The following UPF1 variants were observed in gnomAD, a reference collection of about 807,000 sequenced individuals.
UPF1 encodes the protein UPF1 RNA helicase and ATPase.
Under a neutral mutation model 129.2 loss-of-function variants are expected in UPF1, and 9 were observed. The observed-to-expected ratio is 0.07, with a 90% CI of 0.04 to 0.12. UPF1 has a LOEUF of 0.12. Ranked by LOEUF, UPF1 falls within the 10% of genes least tolerant of loss-of-function variation. The probability of loss-of-function intolerance (pLI) is 1.00; values close to 1 mark genes in which losing one functional copy is unlikely to be tolerated. For synonymous variants in UPF1, 649 were observed against 644.9 expected (o/e 1.01, Z -0.10); for missense variants, 788 against 1,525.3 (o/e 0.52, Z 8.05).
At position 18,851,403 on chromosome 19, in the gene UPF1, C is replaced by T. The variant is rs1227158451; in HGVS notation, c.810+535C>T. On this transcript the variant is annotated intron_variant, in intron 5 of 23. Coordinates refer to ENST00000262803, the MANE Select transcript of UPF1 (RefSeq NM_002911.4). The surrounding 1 kb of genome is among the most constrained non-coding windows in gnomAD (Gnocchi z 4.2). The stretch of plus-strand genomic sequence containing the variant: ...TTTAGGATTTTGTGATAAAGTAGTT[C>T]TAATAACTAGGCTAGAAGTTTTCAT... 6.6e-6 allele frequency among the ~76,000 whole-genome samples: 1 copy of T among 152,210 alleles called. No homozygotes were observed. The highest frequency in any genetic ancestry group is 1.5e-5 in the Non-Finnish European group (1 of 68,040).
Position 18,846,078 on chromosome 19 carries a change from A to G in UPF1, c.330A>G (p.Glu110=). The change falls in exon 2 of 24, where the codon GAA becomes GAG. Residue 110 remains glutamate (E), a synonymous_variant. Transcript: ENST00000262803. ...AGTTGAACTTCGAGGAAGATGAAGA[A>G]GACACCTATTACACGAAGGACCTCC... ...LAELNFEEDE[E]DTYYTKDLPI... 1.2e-6 allele frequency: 2 copies of G among 1,614,188 alleles called. No homozygotes were observed. Among genetic ancestry groups the G allele is most frequent in the African/African-American group, 2.7e-5 (2 of 75,068 alleles).
At chr19:18,854,169 G>A (rs990991722) in intron 8 of UPF1, among the ~76,000 whole-genome samples, 1 of 152,226 alleles carries the variant, frequency 6.6e-6, no homozygotes, top group African/African-American at 2.4e-5. Context: ...GGAACTGTGA[G>A]AAGAGCTGCT....
intron 1 of UPF1, among the ~76,000 whole-genome samples, chr19:18,844,094 T>C (rs1464277938): frequency 6.6e-6 from 1 of 152,072 alleles, no homozygotes; most frequent in Admixed American, 6.6e-5. Flanking sequence ...GGAGCATGTC[T>C]CTGGGCAGAA....
chr19:18,846,407 G>A (rs566519643), intron 2 of UPF1, among the ~76,000 whole-genome samples: 3 of 152,136 alleles, frequency 2.0e-5, no homozygotes, highest in East Asian at 1.9e-4. Flanking sequence ...TGGTACCTGC[G>A]CACTCACTCA....
intron 1 of UPF1, among the ~76,000 whole-genome samples, chr19:18,833,966 G>A (rs1313348261): frequency 6.6e-6 from 1 of 152,226 alleles, no homozygotes; most frequent in African/African-American, 2.4e-5. Flanking sequence ...GAGAACAGGT[G>A]TGCACGTATG....
At position 18,846,012 on chromosome 19, in the gene UPF1, T is replaced by C. The variant is rs781095116; in HGVS notation, c.264T>C (p.Ala88=). 2 of 1,614,192 alleles carry C rather than the reference T, an allele frequency of 1.2e-6. No homozygotes were observed. Among genetic ancestry groups the C allele is most frequent in the Non-Finnish European group, 1.7e-6 (2 of 1,180,028 alleles). The change falls in exon 2 of 24, where the codon GCT becomes GCC. Residue 88 remains alanine (A), a synonymous_variant. Transcript: ENST00000262803. ...CCGAAGGCATCCTGCAGAACGGGGC[T>C]GTGGACGACAGTGTAGCCAAGACCA... ...VGPEGILQNG[A]VDDSVAKTSQ...
At chr19:18,857,165 G>A (rs1211284233) in intron 14 of UPF1, 145 bp downstream of exon 14, 3 of 1,486,900 alleles carry the variant, frequency 2.0e-6, no homozygotes, top group Admixed American at 2.1e-5. Context: ...TAGAGGGTGG[G>A]TTCTGCCAGC....
Position 18,851,020 on chromosome 19 carries a change from C to CAAGGTGCCCTGAGGTCAT in UPF1, c.810+152_810+153insAAGGTGCCCTGAGGTCAT. 4.3e-6 allele frequency: 4 copies of CAAGGTGCCCTGAGGTCAT among 930,440 alleles called. No homozygotes were observed. Among genetic ancestry groups the CAAGGTGCCCTGAGGTCAT allele is most frequent in the Non-Finnish European group, 6.0e-6 (4 of 667,164 alleles). The allele number at this position is 930,440 out of a possible 1,614,324, so 57.6% of individuals were successfully genotyped here. On this transcript the variant is annotated intron_variant, in intron 5 of 23. Transcript: ENST00000262803. This position sits in a 1 kb window ranked among gnomAD's most constrained non-coding sequence, Gnocchi z 4.2. The stretch of plus-strand genomic sequence containing the variant: ...CTCTGCCACCTCTACGTGGAATGAC[C>CAAGGTGCCCTGAGGTCAT]TCAGGGCACCTTGGTCACCTTCCAT...
At chr19:18,845,954 T>G (rs747318315) in intron 1 of UPF1, 26 bp from the exon 2 acceptor site, 2 of 1,612,422 alleles carry the variant, frequency 1.2e-6, no homozygotes, top group South Asian at 2.2e-5. Context: ...GCAGCCTCAC[T>G]CAGGTGACAC....
At chr19:18,857,204 G>A (rs1214865837) in intron 14 of UPF1, 116 bp from the exon 15 acceptor site, 7 of 1,461,808 alleles carry the variant, frequency 4.8e-6, no homozygotes, top group African/African-American at 1.4e-5. Flanking sequence ...GGTGAGCAAT[G>A]CCCCTGTGGC....
intron 1 of UPF1, among the ~76,000 whole-genome samples, chr19:18,839,632 C>T (rs1459182695): frequency 6.6e-6 from 1 of 152,220 alleles, no homozygotes; most frequent in Non-Finnish European, 1.5e-5. Flanking sequence ...CCATGCTCCC[C>T]CGCCTTTAAG....
At chr19:18,854,294 T>A (rs1458151135) in intron 8 of UPF1, among the ~76,000 whole-genome samples, 1 of 152,186 alleles carries the variant, frequency 6.6e-6, no homozygotes, top group African/African-American at 2.4e-5. Context: ...TGAGCGCTGC[T>A]GGCTTCGCTG....
intron 1 of UPF1, among the ~76,000 whole-genome samples, chr19:18,842,098 A>G (rs543753726): frequency 1.5e-4 from 23 of 152,108 alleles, no homozygotes; most frequent in Non-Finnish European, 3.2e-4. Context: ...CCCTGTCTCA[A>G]AAAAATAAAG....
Position 18,853,846 on chromosome 19 carries a change from C to T in UPF1, c.1156+496C>T, listed in dbSNP as rs942321453. Reference sequence around the variant, plus strand: ...GCCAGAGTGGGGCAGCTGTAAGGCACAGGTGCAGTCAGAGGCTTGGGTGGG... The same window carrying T: ...GCCAGAGTGGGGCAGCTGTAAGGCATAGGTGCAGTCAGAGGCTTGGGTGGG... On this transcript the variant is annotated intron_variant, in intron 8 of 23. Coordinates refer to ENST00000262803, the MANE Select transcript of UPF1 (RefSeq NM_002911.4). The surrounding 1 kb of genome is among the most constrained non-coding windows in gnomAD (Gnocchi z 4.4). 1.3e-5 allele frequency among the ~76,000 whole-genome samples: 2 copies of T among 152,172 alleles called. No homozygotes were observed. The highest frequency in any genetic ancestry group is 2.9e-5 in the Non-Finnish European group (2 of 68,032).
intron 8 of UPF1, among the ~76,000 whole-genome samples, chr19:18,854,110 G>A (rs1344144096): frequency 6.6e-6 from 1 of 152,238 alleles, no homozygotes; most frequent in East Asian, 1.9e-4. Context: ...GTTTGCTTGT[G>A]TATGTGGAGC....
Position 18,850,751 on chromosome 19 carries a change from G to T in UPF1, c.693G>T (p.Pro231=). The change falls in exon 5 of 24, where the codon CCG becomes CCT. Residue 231 remains proline (P), a synonymous_variant. Coordinates refer to ENST00000262803, the MANE Select transcript of UPF1 (RefSeq NM_002911.4). This position sits in a 1 kb window ranked among gnomAD's most constrained non-coding sequence, Gnocchi z 7.1. ...DINWDSSQWQ[P]LIQDRCFLSW... ...ACTGGGACAGCTCGCAGTGGCAGCCGCTGATCCAGGACCGCTGCTTCCTGT... is the reference window on the plus strand; with the variant it reads ...ACTGGGACAGCTCGCAGTGGCAGCCTCTGATCCAGGACCGCTGCTTCCTGT... 6.2e-7 allele frequency: 1 copy of T among 1,611,290 alleles called. No individual in the cohort carries two copies. Among genetic ancestry groups the T allele is most frequent in the African/African-American group, 1.3e-5 (1 of 74,992 alleles).
chr19:18,863,225 A>G (rs1189666305), intron 18 of UPF1: 20 of 572,710 alleles, frequency 3.5e-5, no homozygotes, highest in Middle Eastern at 9.8e-4. Flanking sequence ...GGGGCTGCTT[A>G]GAGTCGGCCA....
rs777785220 is a variant in UPF1, at chr19:18,865,706, G to A, written c.3165G>A (p.Thr1055=). 6 of 1,613,702 alleles carry A rather than the reference G, an allele frequency of 3.7e-6. No individual in the cohort carries two copies. The highest frequency in any genetic ancestry group is 3.3e-5 in the South Asian group (3 of 91,084). Residue 1055 remains threonine, a synonymous_variant, in exon 22 of 24, where the codon ACG becomes ACA. Coordinates refer to ENST00000262803, the MANE Select transcript of UPF1 (RefSeq NM_002911.4). The surrounding 1 kb of genome is among the most constrained non-coding windows in gnomAD (Gnocchi z 6.1). Reference sequence around the variant, plus strand: ...AGCCCTTCTCTCAGGGCGCCCTGACGCAGGGCTACATCTCCATGAGCCAGC... The same window carrying A: ...AGCCCTTCTCTCAGGGCGCCCTGACACAGGGCTACATCTCCATGAGCCAGC... The part of the protein sequence containing the change: ...ASQPFSQGAL[T]QGYISMSQPS...
At chr19:18,854,734 C>T in intron 9 of UPF1, 25 bp downstream of exon 9, 2 of 1,610,556 alleles carry the variant, frequency 1.2e-6, no homozygotes, top group Non-Finnish European at 1.7e-6. Flanking sequence ...ATCACTGCCC[C>T]CTGTTCCCTG....
Sources: gnomAD v4.1 joint callset for allele counts (sites outside exome capture counted in the v4.1 genomes callset) on GRCh38, gnomAD v4.1.1 for gene constraint, Gnocchi (gnomAD v3.1) non-coding constraint, MANE v1.5 for transcripts, NCBI Gene and HGNC (gene_info 2026-07-23, HGNC 2026-07-21) for gene names.